CEP295: variants seen among roughly 807,000 people sequenced by gnomAD.
CEP295 encodes centrosomal protein of 295 kDa.
A neutral mutation model predicts 291.6 loss-of-function variants in CEP295; 190 were observed. The observed-to-expected ratio is 0.65, with a 90% confidence interval of 0.58 to 0.73. The LOEUF is 0.73. Ranked by LOEUF, CEP295 falls within the 30% of genes least tolerant of loss-of-function variation. The pLI, the probability that CEP295 is intolerant of heterozygous loss-of-function variation, is 0.00. For missense variants in CEP295, 2,863 were observed against 2,949.4 expected (o/e 0.97, Z 0.68); for synonymous variants, 993 against 1,038.8 (o/e 0.96, Z 0.85).
intron 1 of CEP295, 43 bp downstream of exon 1, chr11:93,661,817 C>G (rs1299906218): frequency 6.5e-6 from 1 of 152,730 alleles, no homozygotes; most frequent in Non-Finnish European, 1.5e-5. Context: ...CCCGTAGGAG[C>G]ATGACTCCCC....
At chr11:93,680,011 T>A (rs1321080921) in intron 7 of CEP295, among the ~76,000 whole-genome samples, 1 of 152,024 alleles carries the variant, frequency 6.6e-6, no homozygotes, top group Admixed American at 6.6e-5. Context: ...GCATGGTGGC[T>A]CATGCCTGTA....
Position 93,727,088 on chromosome 11 carries a change from C to T in CEP295, c.6612C>T (p.Gly2204=). ...FSIEARDSSQ[G]MKNQNYPSEE... The stretch of plus-strand genomic sequence containing the variant: ...TTGAAGCAAGAGATTCTTCCCAAGG[C>T]ATGAAAAATCAGAACTATCCCTCTG... The change falls in exon 24 of 30, where the codon GGC becomes GGT. Residue 2204 remains glycine (G), a synonymous_variant. Transcript: ENST00000325212. 6.4e-7 allele frequency: 1 copy of T among 1,551,388 alleles called. No individual in the cohort carries two copies. The highest frequency in any genetic ancestry group is 1.2e-5 in the South Asian group (1 of 84,002).
chr11:93,718,113 G>A (rs1159071432), intron 18 of CEP295, among the ~76,000 whole-genome samples: 1 of 152,210 alleles, frequency 6.6e-6, no homozygotes, highest in Non-Finnish European at 1.5e-5. Context: ...GTCTCACTGT[G>A]TTGTCCAGAC....
At chr11:93,703,122 C>G (rs916112719) in intron 17 of CEP295, among the ~76,000 whole-genome samples, 1 of 152,076 alleles carries the variant, frequency 6.6e-6, no homozygotes, top group Admixed American at 6.6e-5. Flanking sequence ...CGCCACCACA[C>G]CCAGCTAATT....
At chr11:93,729,203 T>G in intron 25 of CEP295, 1 of 577,996 alleles carries the variant, frequency 1.7e-6, no homozygotes, top group Admixed American at 3.0e-5. Flanking sequence ...GGCCTAGAGG[T>G]GTGAGGGCAG....
chr11:93,711,481 G>GTTTTGTTTTTGTTTTTGT (rs138472629), intron 18 of CEP295, among the ~76,000 whole-genome samples: 3 of 149,532 alleles, frequency 2.0e-5, no homozygotes, highest in South Asian at 2.1e-4. Context: ...TATTATTTCA[G>GTTTTGTTTTTGTTTTTGT]TTTTGTTTTT....
chr11:93,730,126 C>G lies in CEP295; in HGVS notation c.7745C>G (p.Ala2582Gly). The change falls in exon 29 of 30, where the codon GCA (alanine) becomes GGA (glycine). Residue 2582 changes from alanine (A) to glycine (G), a missense_variant. Ala to Gly is a moderately conservative substitution (Grantham distance 60). Transcript: ENST00000325212. ...TKQEAYAQNR[A>G]RAKEFHKKTL... ...CAAGAAGCTTATGCCCAAAACAGAG[C>G]AAGGGCAAAAGAATTCCATAAGGTG... The G allele has an allele frequency of 6.4e-7, 1 of 1,550,780 alleles. No homozygotes were observed. Among genetic ancestry groups the G allele is most frequent in the Non-Finnish European group, 8.7e-7 (1 of 1,146,752 alleles).
At position 93,730,339 on chromosome 11, in the gene CEP295, A is replaced by G. The variant is rs1938284573; in HGVS notation, c.*70A>G. The G allele has an allele frequency of 9.0e-7, 1 of 1,116,896 alleles. No homozygotes were observed. The highest frequency in any genetic ancestry group is 1.3e-6 in the Non-Finnish European group (1 of 749,936). The allele number at this position is 1,116,896 out of a possible 1,614,324, so 69.2% of individuals were successfully genotyped here. The stretch of plus-strand genomic sequence containing the variant: ...CATTAGACAAAATTATTTAAAGTCA[A>G]TAAATTGTTATTCGAGGAATTCCAT... On this transcript the variant is annotated 3_prime_UTR_variant, in exon 30 of 30. Coordinates refer to ENST00000325212, the MANE Select transcript of CEP295 (RefSeq NM_033395.2).
rs375337116 is a variant in CEP295, at chr11:93,691,910, T to C, written c.1430-17T>C. 9 of 1,483,692 alleles carry C rather than the reference T, an allele frequency of 6.1e-6. No homozygotes were observed. Among genetic ancestry groups the C allele is most frequent in the East Asian group, 4.9e-5 (2 of 40,522 alleles). 91.9% of individuals were successfully genotyped at this position (1,483,692 alleles called of 1,614,324 possible). A position where few individuals can be genotyped will look rare whatever the true frequency, so the allele number is the denominator to read the frequency against. On this transcript the variant is annotated splice_polypyrimidine_tract_variant and intron_variant, in intron 11 of 29. Transcript: ENST00000325212. ...CTAAATTATTGAAACTAATTTTTGTTTGGGGCATTCCCCTAGAAATAAATG... is the reference window on the plus strand; with the variant it reads ...CTAAATTATTGAAACTAATTTTTGTCTGGGGCATTCCCCTAGAAATAAATG...
chr11:93,702,701 C>A, intron 16 of CEP295, 64 bp downstream of exon 16: 1 of 1,530,812 alleles, frequency 6.5e-7, no homozygotes. Flanking sequence ...TCCCCTGTAG[C>A]TTGCTAGTTG....
chr11:93,691,206 G>A (rs1184335367), intron 10 of CEP295, among the ~76,000 whole-genome samples: 1 of 152,178 alleles, frequency 6.6e-6, no homozygotes, highest in Non-Finnish European at 1.5e-5. Context: ...GGTACCAAAT[G>A]AATTAATGAG....
At position 93,699,629 on chromosome 11, in the gene CEP295, G is replaced by T; in HGVS notation, c.4717G>T (p.Asp1573Tyr). ...TQKSFPTKSN[D>Y]TLPSSHREIP... is the part of the protein sequence containing the mutation. ...GAAGTCTTTCCCAACCAAAAGTAATGATACTCTTCCCTCAAGTCATCGTGA... is the reference window on the plus strand; with the variant it reads ...GAAGTCTTTCCCAACCAAAAGTAATTATACTCTTCCCTCAAGTCATCGTGA... Residue 1573 changes from aspartate (D) to tyrosine (Y), a missense_variant, in exon 15 of 30, where the codon GAT becomes TAT. Transcript: ENST00000325212. 6.4e-7 allele frequency: 1 copy of T among 1,551,676 alleles called. No homozygotes were observed. The highest frequency in any genetic ancestry group is 8.7e-7 in the Non-Finnish European group (1 of 1,147,058).
In CEP295 at chr11:93,698,397, A is replaced by G. The variant is rs1205745466; in HGVS notation, c.3485A>G (p.Asn1162Ser). 3 of 1,552,190 alleles carry G rather than the reference A, an allele frequency of 1.9e-6. No homozygotes were observed. In the South Asian group the frequency reaches 3.6e-5, roughly 18 times the overall value. The change falls in exon 15 of 30, where the codon AAT becomes AGT. Residue 1162 changes from asparagine to serine, a missense_variant. Asn to Ser is a conservative substitution (Grantham distance 46). This residue lies in a region of CEP295 where 2,295 missense variants were observed against 2,335.7 expected (regional missense o/e 0.98). Coordinates refer to ENST00000325212, the MANE Select transcript of CEP295 (RefSeq NM_033395.2). Reference sequence around the variant, plus strand: ...CAGCATAGCCTGGCACAGCAAGAAAATTTGACAATACTCCAAGAACAGTCA... The same window carrying G: ...CAGCATAGCCTGGCACAGCAAGAAAGTTTGACAATACTCCAAGAACAGTCA... ...FPQHSLAQQE[N>S]LTILQEQSQI...
At chr11:93,670,786 G>A (rs1421450251) in intron 5 of CEP295, among the ~76,000 whole-genome samples, 1 of 152,130 alleles carries the variant, frequency 6.6e-6, no homozygotes, top group Non-Finnish European at 1.5e-5. Context: ...TTAATTCTTA[G>A]TATTTATAAC....
Position 93,697,784 on chromosome 11 carries a change from A to C in CEP295, c.2872A>C (p.Asn958His), listed in dbSNP as rs1363028509. ...TTTTAAATTTCTCCAAGAGCAGTTG[A>C]ATATTCAGAAGGATAGCCTTCAGGC... is the stretch of plus-strand genomic sequence containing the variant. ...NNFKFLQEQL[N>H]IQKDSLQARR... Residue 958 changes from asparagine to histidine, a missense_variant, in exon 15 of 30, where the codon AAT becomes CAT. Physicochemically the swap from Asn to His is moderately conservative, Grantham distance 68. This residue lies in a region of CEP295 where 2,295 missense variants were observed against 2,335.7 expected (regional missense o/e 0.98). Transcript: ENST00000325212. 6.4e-7 allele frequency: 1 copy of C among 1,551,746 alleles called. No individual in the cohort carries two copies. Among genetic ancestry groups the C allele is most frequent in the South Asian group, 1.2e-5 (1 of 84,054 alleles).
At chr11:93,668,658 C>A in intron 3 of CEP295, 150 bp from the exon 4 acceptor site, 2 of 567,974 alleles carry the variant, frequency 3.5e-6, no homozygotes, top group Non-Finnish European at 6.2e-6. Flanking sequence ...TATGGCATAT[C>A]ATCAGTGGTA....
intron 22 of CEP295, among the ~76,000 whole-genome samples, chr11:93,724,869 A>G (rs1425576182): frequency 6.6e-6 from 1 of 152,234 alleles, no homozygotes; most frequent in Non-Finnish European, 1.5e-5. Context: ...GACCAATTAA[A>G]GCAGAGTTTC....
chr11:93,713,983 T>G (rs1953076881), intron 18 of CEP295, among the ~76,000 whole-genome samples: 1 of 152,208 alleles, frequency 6.6e-6, no homozygotes, highest in African/African-American at 2.4e-5. Flanking sequence ...ATTTTTCAGC[T>G]CCAGAATTTC....
intron 5 of CEP295, among the ~76,000 whole-genome samples, chr11:93,672,052 TTA>T (rs1950476522): frequency 1.3e-5 from 2 of 152,338 alleles, no homozygotes; most frequent in Admixed American, 1.3e-4. Flanking sequence ...GCCCTGCATG[TTA>T]GATATTTCCA....
Sources: gnomAD v4.1 joint callset for allele counts (sites outside exome capture counted in the v4.1 genomes callset) on GRCh38, gnomAD v4.1.1 for gene constraint, gnomAD v4.1.1 regional missense constraint, MANE v1.5 for transcripts, NCBI Gene and HGNC (gene_info 2026-07-23, HGNC 2026-07-21) for gene names.